MROH7: variants seen among roughly 807,000 people sequenced by gnomAD.
MROH7 encodes the protein maestro heat like repeat family member 7.
A neutral mutation model predicts 129.2 loss-of-function variants in MROH7; 113 were observed. The observed-to-expected ratio is 0.87, with a 90% CI of 0.75 to 1.02. The LOEUF (loss-of-function observed/expected upper bound fraction) is 1.02. MROH7 is among the 50% of genes least tolerant of loss of function. The probability of loss-of-function intolerance (pLI) is 0.00; values close to 1 mark genes in which losing one functional copy is unlikely to be tolerated. For missense variants in MROH7, 1,601 were observed against 1,671.3 expected, an observed-to-expected ratio of 0.96 and a Z score of 0.73; for synonymous variants, 655 against 667.9, an observed-to-expected ratio of 0.98 and a Z score of 0.30.
chr1:54,668,488 C>T (rs1172755), intron 4 of MROH7, among the ~76,000 whole-genome samples: 8,424 of 152,190 alleles, frequency 0.055, 808 homozygotes, highest in African/African-American at 0.19. Flanking sequence ...AGCAGAATGC[C>T]TCAATCTGAC....
intron 21 of MROH7, among the ~76,000 whole-genome samples, chr1:54,704,955 A>G (rs955729458): frequency 1.3e-5 from 2 of 150,918 alleles, no homozygotes; most frequent in African/African-American, 4.9e-5. Context: ...ATATGCCACC[A>G]CACCTGGCTA....
In MROH7 at chr1:54,678,176, C is replaced by A. The variant is rs530294185; in HGVS notation, c.1937-566C>A. On this transcript the variant is annotated intron_variant, in intron 10 of 23. Transcript: ENST00000421030. ...TTCTGTAGCCGAACCTATGCTTAGA[C>A]TATGACCCAGCAATCCATTCCTAGG... Among the ~76,000 whole-genome samples the A allele has an allele frequency of 7.9e-5, 12 of 152,314 alleles. No individual in the cohort carries two copies. The South Asian group carries it at 2.5e-3, about 32-fold the overall frequency.
intron 17 of MROH7, chr1:54,699,953 C>T: frequency 1.7e-6 from 1 of 601,838 alleles, no homozygotes; most frequent in Non-Finnish European, 3.0e-6. Context: ...ATTTTGCCAG[C>T]ACAGAAGGGG....
intron 1 of MROH7, among the ~76,000 whole-genome samples, chr1:54,650,602 C>G (rs934127092): frequency 2.0e-5 from 3 of 151,630 alleles, no homozygotes; most frequent in African/African-American, 7.3e-5. Context: ...CCTCTCCTTT[C>G]TTCCTTCTTC....
At chr1:54,702,588 C>G (rs1258721025) in intron 20 of MROH7, 35 bp from the exon 21 acceptor site, 2 of 1,528,442 alleles carry the variant, frequency 1.3e-6, no homozygotes, top group Non-Finnish European at 1.8e-6. Context: ...TCTGGCTGTC[C>G]ACAGTTCTGA....
chr1:54,671,035 A>G (rs940329209), intron 7 of MROH7, 106 bp downstream of exon 7: 51 of 1,285,752 alleles, frequency 4.0e-5, no homozygotes, highest in Non-Finnish European at 4.6e-5. Flanking sequence ...GGGCAATTCA[A>G]CTGACTTCTG....
rs533365468 is a variant in MROH7, at chr1:54,688,872, G to C, written c.2711+2424G>C. Among the ~76,000 whole-genome samples, 27 of 152,304 alleles carry C rather than the reference G, an allele frequency of 1.8e-4. No homozygotes were observed. In the South Asian group the frequency reaches 5.6e-3, roughly 32 times the overall value. Reference sequence around the variant, plus strand: ...AATTCTTGACCTTGGAGTGATGAAAGGTATGACCTGCCAATGCAGAGGGCA... The same window carrying C: ...AATTCTTGACCTTGGAGTGATGAAACGTATGACCTGCCAATGCAGAGGGCA... On this transcript the variant is annotated intron_variant, in intron 15 of 23. Coordinates refer to ENST00000421030, the MANE Select transcript of MROH7 (RefSeq NM_001039464.4).
rs764872939 is a variant in MROH7, at chr1:54,702,093, C to T, written c.3289C>T (p.Arg1097Ter). Residue 1097 changes from arginine (R) to a stop codon, truncating the protein, a stop_gained, in exon 20 of 24, where the codon CGA becomes TGA. Transcript: ENST00000421030. LOFTEE classifies it high-confidence loss of function. The part of the protein sequence containing the change: ...QILLPHFSDA[R>*]EVVRSSCINL... ...CTGAGCCTTTGGTCTTCCCCAGGCA[C>T]GAGAGGTCGTGCGCTCCTCCTGCAT... is the stretch of plus-strand genomic sequence containing the variant. 1.2e-5 allele frequency: 19 copies of T among 1,592,220 alleles called. No individual in the cohort carries two copies. The highest frequency in any genetic ancestry group is 9.5e-5 in the African/African-American group (7 of 73,728).
intron 9 of MROH7, 64 bp downstream of exon 9, chr1:54,673,869 G>A (rs950161327): frequency 2.1e-5 from 32 of 1,531,108 alleles, no homozygotes; most frequent in South Asian, 3.4e-5. Flanking sequence ...GAAGGAGCCC[G>A]TACCTCTGTT....
At chr1:54,646,791 C>T (rs915918499) in intron 1 of MROH7, among the ~76,000 whole-genome samples, 26 of 152,198 alleles carry the variant, frequency 1.7e-4, no homozygotes, top group Non-Finnish European at 1.9e-4. Context: ...ACTTACCATT[C>T]CCTGCTTTCC....
chr1:54,668,278 T>C (rs1009597432), intron 4 of MROH7, among the ~76,000 whole-genome samples: 8 of 152,210 alleles, frequency 5.3e-5, no homozygotes, highest in African/African-American at 1.9e-4. Context: ...ATCTGTCCTT[T>C]GGATAGGAGG....
intron 3 of MROH7, among the ~76,000 whole-genome samples, chr1:54,658,371 T>G (rs1302303752): frequency 2.0e-5 from 3 of 152,214 alleles, no homozygotes; most frequent in Admixed American, 1.3e-4. Flanking sequence ...CTGTTTTGAT[T>G]ATTATAGCTT....
chr1:54,671,832 A>G (rs1462264330), intron 7 of MROH7, among the ~76,000 whole-genome samples: 2 of 152,188 alleles, frequency 1.3e-5, no homozygotes, highest in African/African-American at 4.8e-5. Flanking sequence ...GGATGGTATC[A>G]AATAAATAAA....
At position 54,710,262 on chromosome 1, in the gene MROH7, C is replaced by T; in HGVS notation, c.*75C>T. The T allele has an allele frequency of 6.6e-7, 1 of 1,521,704 alleles. No individual in the cohort carries two copies. Among genetic ancestry groups the T allele is most frequent in the Non-Finnish European group, 8.9e-7 (1 of 1,121,350 alleles). 94.3% of individuals were successfully genotyped at this position (1,521,704 alleles called of 1,614,324 possible). The stretch of plus-strand genomic sequence containing the variant: ...TCCCTATAAATGTCATGTGGCTTAC[C>T]TCTCCATCTTGATTGTTTCCTCCTG... On this transcript the variant is annotated 3_prime_UTR_variant, in exon 24 of 24. Coordinates refer to ENST00000421030, the MANE Select transcript of MROH7 (RefSeq NM_001039464.4).
intron 15 of MROH7, among the ~76,000 whole-genome samples, chr1:54,690,959 G>A (rs1018318613): frequency 4.6e-5 from 7 of 152,290 alleles, no homozygotes; most frequent in African/African-American, 9.6e-5. Context: ...TCCAGTCACC[G>A]GAGGAGCATA....
At chr1:54,648,164 G>C (rs546548450) in intron 1 of MROH7, among the ~76,000 whole-genome samples, 1 of 151,596 alleles carries the variant, frequency 6.6e-6, no homozygotes, top group Non-Finnish European at 1.5e-5. Context: ...GATTATAGAC[G>C]TGAGCCGCCA....
In MROH7 at chr1:54,697,441, TC is replaced by T. The variant is rs147519337; in HGVS notation, c.2964+1952del. 3,002 of 461,388 alleles carry T rather than the reference TC, an allele frequency of 6.5e-3. 74 individuals are homozygous for T. Among genetic ancestry groups the T allele is most frequent in the African/African-American group, 0.054 (2,764 of 51,414 alleles). 28.6% of individuals were successfully genotyped at this position (461,388 alleles called of 1,614,324 possible). A position where few individuals can be genotyped will look rare whatever the true frequency, so the allele number is the denominator to read the frequency against. On this transcript the variant is annotated intron_variant, in intron 17 of 23. Coordinates refer to ENST00000421030, the MANE Select transcript of MROH7 (RefSeq NM_001039464.4). ...GGAGTGCCTGAACAAATACTGCAGG[TC>T]ACCAGCAGAATGTGTCACCTCCAGG...
At chr1:54,643,760 G>A (rs910454564) in intron 1 of MROH7, among the ~76,000 whole-genome samples, 1 of 152,208 alleles carries the variant, frequency 6.6e-6, no homozygotes, top group Admixed American at 6.5e-5. Flanking sequence ...GTCATGGTTA[G>A]ACTTGCATGC....
intron 10 of MROH7, among the ~76,000 whole-genome samples, chr1:54,678,060 T>G (rs1645009641): frequency 6.6e-6 from 1 of 152,202 alleles, no homozygotes; most frequent in African/African-American, 2.4e-5. Context: ...CAATGACATG[T>G]GCTGGCAAGA....
Sources: gnomAD v4.1 joint callset for allele counts (sites outside exome capture counted in the v4.1 genomes callset) on GRCh38, gnomAD v4.1.1 for gene constraint, MANE v1.5 for transcripts, NCBI Gene and HGNC (gene_info 2026-07-23, HGNC 2026-07-21) for gene names.